DPY19L2: variants seen among roughly 807,000 people sequenced by gnomAD.
DPY19L2 encodes the protein probable C-mannosyltransferase DPY19L2.
In DPY19L2, 34 loss-of-function variants were observed where a neutral mutation model predicts 97.9. The observed-to-expected ratio is 0.35, with a 90% CI of 0.26 to 0.46. The LOEUF is 0.46. Among genes scored for constraint, DPY19L2 ranks in the 20% least tolerant of loss-of-function variants. DPY19L2 has a pLI of 1.00. For missense variants in DPY19L2, 623 were observed against 911.4 expected (o/e 0.68, Z 4.07); for synonymous variants, 230 against 307.9 (o/e 0.75, Z 2.65).
In DPY19L2 at chr12:63,590,950, C is replaced by T. The variant is rs566089258; in HGVS notation, c.1580+3137G>A. The T allele has an allele frequency of 1.8e-4, 72 of 405,226 alleles. No individual in the cohort carries two copies. In the Middle Eastern group the frequency reaches 2.9e-3, roughly 16 times the overall value. 25.1% of individuals were successfully genotyped at this position (405,226 alleles called of 1,614,324 possible). On this transcript the variant is annotated intron_variant, in intron 16 of 21. Transcript: ENST00000324472. ...CATCCATTGACCCCTCCGAGTCTGT[C>T]GCTTCCACATTACACCCTCTGCAAT...
At chr12:63,651,157 G>A (rs1459001560) in intron 4 of DPY19L2, among the ~76,000 whole-genome samples, 2 of 152,076 alleles carry the variant, frequency 1.3e-5, no homozygotes, top group African/African-American at 4.8e-5. Context: ...ATAGGAAAAA[G>A]GACTTCTTAT....
At chr12:63,635,736 T>C (rs1592675279) in intron 6 of DPY19L2, among the ~76,000 whole-genome samples, 1 of 150,848 alleles carries the variant, frequency 6.6e-6, no homozygotes, top group Admixed American at 6.6e-5. Context: ...AAGTTTAGAG[T>C]AAAAAGAAAT....
intron 19 of DPY19L2, among the ~76,000 whole-genome samples, chr12:63,578,237 A>G (rs546292120): frequency 1.3e-5 from 2 of 152,110 alleles, no homozygotes; most frequent in Admixed American, 1.3e-4. Flanking sequence ...GCAGGTTCTT[A>G]CTTGTGGGAG....
At chr12:63,665,916 TAA>T in intron 1 of DPY19L2, 57 bp from the exon 2 acceptor site, 2 of 1,379,718 alleles carry the variant, frequency 1.4e-6, no homozygotes, top group Non-Finnish European at 2.0e-6. Flanking sequence ...AAAATACCAT[TAA>T]AACAAGTATT....
intron 8 of DPY19L2, among the ~76,000 whole-genome samples, 157 bp from the exon 9 acceptor site, chr12:63,621,494 A>G (rs1005059110): frequency 2.0e-5 from 3 of 152,208 alleles, no homozygotes; most frequent in Non-Finnish European, 4.4e-5. Flanking sequence ...ACTAAAAAGA[A>G]CTTGAAATAC....
Position 63,566,225 on chromosome 12 carries a change from T to C in DPY19L2, c.2126+2999A>G, listed in dbSNP as rs533906097. Among the ~76,000 whole-genome samples the C allele has an allele frequency of 1.6e-3, 250 of 152,196 alleles. 1 individual carries two copies. The highest frequency in any genetic ancestry group is 0.014 in the Middle Eastern group (4 of 292). On this transcript the variant is annotated intron_variant, in intron 21 of 21. Transcript: ENST00000324472. ...ATAGGCTTGCTATAGTGCTCTTTTG[T>C]TTTTTTAAAAAAACTTTTTATTTCA...
At chr12:63,629,796 C>A (rs1375339349) in intron 6 of DPY19L2, among the ~76,000 whole-genome samples, 1 of 152,088 alleles carries the variant, frequency 6.6e-6, no homozygotes, top group Non-Finnish European at 1.5e-5. Context: ...GCAGGAAAAA[C>A]TGTTAAGGGC....
At chr12:63,635,465 C>T (rs766285656) in intron 6 of DPY19L2, among the ~76,000 whole-genome samples, 7 of 152,066 alleles carry the variant, frequency 4.6e-5, no homozygotes, top group East Asian at 3.9e-4. Context: ...AGGTTTCAGA[C>T]GATCGGTAAC....
chr12:63,561,317 G>A (rs1009871373), intron 21 of DPY19L2, among the ~76,000 whole-genome samples: 7 of 152,132 alleles, frequency 4.6e-5, no homozygotes, highest in Admixed American at 3.9e-4. Context: ...TATTTTATGT[G>A]TAAAGTTTGC....
chr12:63,593,972 C>T, intron 16 of DPY19L2, 115 bp downstream of exon 16: 2 of 648,032 alleles, frequency 3.1e-6, no homozygotes, highest in Non-Finnish European at 4.9e-6. Flanking sequence ...CTCATATTTC[C>T]TTTCTTAATC....
chr12:63,661,425 T>C lies in DPY19L2; in HGVS notation c.507A>G (p.Gly169=). Residue 169 remains glycine, a synonymous_variant, in exon 4 of 22, where the codon GGA becomes GGG. Coordinates refer to ENST00000324472, the MANE Select transcript of DPY19L2 (RefSeq NM_173812.5). ...GCCTGTCATTCATAATCATCCACAG[T>C]CCTTCCAAAAACGAAGGTGCTTCAA... is the stretch of plus-strand genomic sequence containing the variant. The part of the protein sequence containing the change: ...TIIEAPSFLE[G]LWMIMNDRLT... 2 of 1,602,770 alleles carry C rather than the reference T, an allele frequency of 1.2e-6. No homozygotes were observed. Among genetic ancestry groups the C allele is most frequent in the Non-Finnish European group, 1.7e-6 (2 of 1,176,696 alleles).
At chr12:63,571,375 T>G (rs1878812704) in intron 19 of DPY19L2, among the ~76,000 whole-genome samples, 1 of 152,120 alleles carries the variant, frequency 6.6e-6, no homozygotes, top group African/African-American at 2.4e-5. Flanking sequence ...AGCTAGGAAG[T>G]TCCAGAGCCT....
At chr12:63,623,582 A>AT (rs1889046646) in intron 8 of DPY19L2, among the ~76,000 whole-genome samples, 1 of 152,100 alleles carries the variant, frequency 6.6e-6, no homozygotes, top group Admixed American at 6.6e-5. Flanking sequence ...ATGGAGAGCA[A>AT]TTTTTACATA....
intron 6 of DPY19L2, among the ~76,000 whole-genome samples, chr12:63,642,971 A>G (rs193106178): frequency 0.012 from 1,900 of 152,048 alleles, 41 homozygotes; most frequent in African/African-American, 0.043. Context: ...TAGCTGTCAT[A>G]TGTATCTTTT....
intron 17 of DPY19L2, 24 bp downstream of exon 17, chr12:63,583,788 C>T (rs1307342761): frequency 4.4e-6 from 7 of 1,607,966 alleles, no homozygotes; most frequent in Admixed American, 1.7e-5. Flanking sequence ...ACAAGTCTAC[C>T]AGAGATTAAA....
rs1253472485 is a variant in DPY19L2 at position 63,565,874 on chromosome 12, T to C, written c.2126+3350A>G. Among the ~76,000 whole-genome samples the C allele has an allele frequency of 9.2e-5, 14 of 152,318 alleles. 1 individual carries two copies. In the East Asian group the frequency reaches 2.7e-3, roughly 29 times the overall value. ...TATATTTTGAAATTCTCTTTTAAGTTCATATGCACTCAAATTATTGTATCT... is the reference window on the plus strand; with the variant it reads ...TATATTTTGAAATTCTCTTTTAAGTCCATATGCACTCAAATTATTGTATCT... On this transcript the variant is annotated intron_variant, in intron 21 of 21. Coordinates refer to ENST00000324472, the MANE Select transcript of DPY19L2 (RefSeq NM_173812.5).
intron 4 of DPY19L2, among the ~76,000 whole-genome samples, chr12:63,656,946 C>T (rs1895050357): frequency 6.6e-6 from 1 of 152,080 alleles, no homozygotes; most frequent in Non-Finnish European, 1.5e-5. Context: ...CCATTTGGGT[C>T]TTTAAAATAT....
intron 19 of DPY19L2, among the ~76,000 whole-genome samples, chr12:63,578,317 T>C (rs76433370): frequency 0.011 from 1,685 of 147,010 alleles, 57 homozygotes; most frequent in Admixed American, 0.064. Flanking sequence ...CTGGGAAGGA[T>C]AGTGAGGGGG....
chr12:63,621,309 T>A lies in DPY19L2; in HGVS notation c.982A>T (p.Ile328Phe). The A allele has an allele frequency of 2.0e-6, 2 of 1,024,266 alleles. No individual in the cohort carries two copies. Among genetic ancestry groups the A allele is most frequent in the South Asian group, 2.8e-5 (2 of 70,238 alleles). 63.4% of individuals were successfully genotyped at this position (1,024,266 alleles called of 1,614,324 possible). ...RTSSNDRRPF[I>F]ALCLSNVAFM... ...GCAACATTGGAAAGACAGAGTGCAATGAAGGGCCTTCTATCATTGCTTGAG... is the reference window on the plus strand; with the variant it reads ...GCAACATTGGAAAGACAGAGTGCAAAGAAGGGCCTTCTATCATTGCTTGAG... Residue 328 changes from isoleucine to phenylalanine, a missense_variant, in exon 9 of 22, where the codon ATT (isoleucine) becomes TTT (phenylalanine). Physicochemically the swap from Ile to Phe is conservative, Grantham distance 21. This residue lies in a region of DPY19L2 where 67 missense variants were observed against 88.0 expected (regional missense o/e 0.76). Coordinates refer to ENST00000324472, the MANE Select transcript of DPY19L2 (RefSeq NM_173812.5).
Sources: allele counts gnomAD v4.1 joint callset (sites outside exome capture counted in the v4.1 genomes callset), GRCh38; gene constraint gnomAD v4.1.1; regional missense constraint gnomAD v4.1.1; transcripts MANE v1.5; gene names NCBI Gene and HGNC (gene_info 2026-07-23, HGNC 2026-07-21).